The following TENM2 variants were observed in gnomAD, a reference collection of about 807,000 sequenced individuals.
TENM2 encodes teneurin transmembrane protein 2.
TENM2 carries 52 observed loss-of-function variants against 245.2 expected under a neutral mutation model. That is an observed-to-expected ratio of 0.21 (90% CI 0.17 to 0.27). The LOEUF is 0.27. Ranked by LOEUF, TENM2 falls within the 10% of genes least tolerant of loss-of-function variation. TENM2 has a pLI of 1.00. For synonymous variants in TENM2, 1,363 were observed against 1,438.9 expected, an observed-to-expected ratio of 0.95 and a Z score of 1.19; for missense variants, 3,046 against 3,666.8, an observed-to-expected ratio of 0.83 and a Z score of 4.37.
intron 4 of TENM2, among the ~76,000 whole-genome samples, chr5:167,985,445 G>A (rs932293156): frequency 1.3e-5 from 2 of 152,196 alleles, no homozygotes; most frequent in African/African-American, 4.8e-5. Flanking sequence ...GCTACGTTGA[G>A]ACCATTTAAG....
At chr5:167,928,030 G>A (rs1777896498) in intron 3 of TENM2, among the ~76,000 whole-genome samples, 1 of 152,158 alleles carries the variant, frequency 6.6e-6, no homozygotes, top group Non-Finnish European at 1.5e-5. Flanking sequence ...GTGTCCAGGA[G>A]GTGGGTTGAT....
intron 2 of TENM2, among the ~76,000 whole-genome samples, chr5:167,845,239 CCACACACACACACACACACACA>C (rs55784312): frequency 3.1e-5 from 3 of 96,986 alleles, no homozygotes; most frequent in African/African-American, 4.1e-5. Flanking sequence ...CCCTCCCGCG[CCACACACACACACACACACACA>C]CACACACACA....
chr5:167,353,629 T>G (rs1759111469), intron 1 of TENM2, among the ~76,000 whole-genome samples: 1 of 144,106 alleles, frequency 6.9e-6, no homozygotes, highest in Admixed American at 7.1e-5. Flanking sequence ...TGCCTCAGCC[T>G]CCCATGTAGC....
chr5:167,358,124 C>T (rs1465670153), intron 1 of TENM2, among the ~76,000 whole-genome samples: 2 of 152,184 alleles, frequency 1.3e-5, no homozygotes, highest in African/African-American at 4.8e-5. Flanking sequence ...CTTACATTCA[C>T]CCACTTCTTC....
chr5:167,075,627 A>T, the TENM2 span, among the ~76,000 whole-genome samples: 1 of 152,176 alleles, frequency 6.6e-6, no homozygotes, highest in Non-Finnish European at 1.5e-5. Flanking sequence ...ACATTCATTC[A>T]ATTCTTTCAT....
At chr5:168,181,903 C>G (rs1048934650) in intron 13 of TENM2, among the ~76,000 whole-genome samples, 8 of 152,020 alleles carry the variant, frequency 5.3e-5, no homozygotes, top group African/African-American at 1.9e-4. Context: ...TCTCGAACTC[C>G]TGACCTCAGG....
At chr5:167,044,012 G>T in the TENM2 span, among the ~76,000 whole-genome samples, 2 of 148,278 alleles carry the variant, frequency 1.3e-5, no homozygotes, top group African/African-American at 5.0e-5. Context: ...GAGCGAGACT[G>T]CATCTCAAAT....
chr5:167,539,710 G>A (rs1296361970), intron 2 of TENM2, among the ~76,000 whole-genome samples: 2 of 152,144 alleles, frequency 1.3e-5, no homozygotes, highest in Non-Finnish European at 2.9e-5. Flanking sequence ...CCTTCATTGA[G>A]TGCTTTCTTC....
intron 2 of TENM2, among the ~76,000 whole-genome samples, chr5:167,555,024 A>G (rs532719683): frequency 6.6e-6 from 1 of 152,258 alleles, no homozygotes; most frequent in South Asian, 2.1e-4. Context: ...ATCTCTCTGG[A>G]AAGCAATGGT....
intron 2 of TENM2, among the ~76,000 whole-genome samples, chr5:167,676,299 T>C (rs2150363383): frequency 6.6e-6 from 1 of 152,208 alleles, no homozygotes; most frequent in South Asian, 2.1e-4. Context: ...TCTCACTCAT[T>C]AGTCCCCTTC....
intron 2 of TENM2, among the ~76,000 whole-genome samples, chr5:167,595,587 C>T (rs1776148243): frequency 1.3e-5 from 2 of 152,202 alleles, no homozygotes; most frequent in South Asian, 2.1e-4. Flanking sequence ...TCTTGTATTG[C>T]TGTTCTCATT....
intron 2 of TENM2, among the ~76,000 whole-genome samples, chr5:167,819,065 T>C (rs1396829068): frequency 6.6e-6 from 1 of 151,888 alleles, no homozygotes; most frequent in Non-Finnish European, 1.5e-5. Context: ...TGACTGTGTG[T>C]GTGTGTGTGT....
At chr5:167,998,220 C>T (rs1784193863) in intron 5 of TENM2, among the ~76,000 whole-genome samples, 1 of 152,200 alleles carries the variant, frequency 6.6e-6, no homozygotes. Flanking sequence ...TTGATTATCC[C>T]AGGTTCCTCT....
chr5:167,628,145 T>C (rs1778634871), intron 2 of TENM2, among the ~76,000 whole-genome samples: 1 of 152,218 alleles, frequency 6.6e-6, no homozygotes, highest in Non-Finnish European at 1.5e-5. Context: ...TAAGAGCTCA[T>C]GTGCATTTAT....
chr5:167,731,579 T>C (rs1294706901), intron 2 of TENM2, among the ~76,000 whole-genome samples: 5 of 152,054 alleles, frequency 3.3e-5, no homozygotes. Context: ...TTTTTTTATT[T>C]AACCTATTTT....
At chr5:167,227,362 T>C in the TENM2 span, among the ~76,000 whole-genome samples, 1 of 152,192 alleles carries the variant, frequency 6.6e-6, no homozygotes, top group Non-Finnish European at 1.5e-5. Context: ...GTAAGTTTTA[T>C]ACTTTTGTGT....
the TENM2 span, among the ~76,000 whole-genome samples, chr5:167,088,654 A>G: frequency 6.6e-6 from 1 of 151,820 alleles, no homozygotes; most frequent in African/African-American, 2.4e-5. Flanking sequence ...AAAAAGAAAA[A>G]AAAACAGTTA....
chr5:167,935,043 C>T, intron 3 of TENM2: 1 of 363,070 alleles, frequency 2.8e-6, no homozygotes, highest in Non-Finnish European at 3.8e-6. Flanking sequence ...AAGGTCAGAA[C>T]ACCTCAGGGG....
chr5:167,951,894 A>G (rs899655682), intron 3 of TENM2, among the ~76,000 whole-genome samples: 1 of 152,210 alleles, frequency 6.6e-6, no homozygotes, highest in African/African-American at 2.4e-5. Flanking sequence ...ACACACATAC[A>G]TATATATAAA....
Sources: gnomAD v4.1 joint callset for allele counts (sites outside exome capture counted in the v4.1 genomes callset) on GRCh38, gnomAD v4.1.1 for gene constraint, MANE v1.5 for transcripts, NCBI Gene and HGNC (gene_info 2026-07-23, HGNC 2026-07-21) for gene names.